Variants in AP4S1 observed in about 807,000 individuals in gnomAD.
AP4S1 encodes the protein AP-4 complex subunit sigma-1.
In AP4S1, 23 loss-of-function variants were observed where a neutral mutation model predicts 19.8. The observed-to-expected ratio is 1.16, with a 90% CI of 0.84 to 1.65. The LOEUF is 1.65. Ranked by LOEUF, AP4S1 falls within the 40% of genes most tolerant of loss-of-function variation. The pLI is 0.00. For missense variants in AP4S1, 166 were observed against 172.8 expected, an observed-to-expected ratio of 0.96 and a Z score of 0.22; for synonymous variants, 46 against 54.1, an observed-to-expected ratio of 0.85 and a Z score of 0.66.
intron 5 of AP4S1, among the ~76,000 whole-genome samples, chr14:31,082,984 T>C (rs1311694125): frequency 6.6e-6 from 1 of 152,204 alleles, no homozygotes; most frequent in African/African-American, 2.4e-5. Context: ...TGAGCTGAGT[T>C]ACCTTACATC....
intron 5 of AP4S1, 139 bp downstream of exon 5, chr14:31,080,723 G>GGT: frequency 1.6e-6 from 2 of 1,238,078 alleles, no homozygotes; most frequent in Non-Finnish European, 2.4e-6. Flanking sequence ...GACAGCCAGA[G>GGT]GTGTGTGTGT....
upstream of AP4S1, chr14:31,025,212 A>C (rs912444411): frequency 6.6e-6 from 1 of 152,478 alleles, no homozygotes; most frequent in African/African-American, 2.4e-5. Context: ...AGTACTGTAA[A>C]AAGAAAAATT....
At position 31,093,074 on chromosome 14, in the gene AP4S1, T is replaced by TGCGA. The variant is rs1223701032; in HGVS notation, c.*41_*44dup. 1 of 1,539,402 alleles carries TGCGA rather than the reference T, an allele frequency of 6.5e-7. No homozygotes were observed. The highest frequency in any genetic ancestry group is 2.0e-5 in the Admixed American group (1 of 48,800). ...CGAGACAATATGGATTTATCAGAAA[T>TGCGA]GCGAGTACCGTGGAATACATCTCAA... On this transcript the variant is annotated 3_prime_UTR_variant, in exon 6 of 6. Transcript: ENST00000542754.
intron 3 of AP4S1, among the ~76,000 whole-genome samples, 173 bp downstream of exon 3, chr14:31,070,102 C>G (rs560677470): frequency 1.3e-5 from 2 of 152,248 alleles, no homozygotes; most frequent in Admixed American, 6.5e-5. Flanking sequence ...TGAAGCGATT[C>G]CCCTGCCTCA....
At chr14:31,084,620 T>C (rs1887829290) in intron 5 of AP4S1, 1 of 1,320,478 alleles carries the variant, frequency 7.6e-7, no homozygotes, top group African/African-American at 1.5e-5. Flanking sequence ...TACACTCCTG[T>C]GCACTCTTCA....
chr14:31,071,948 G>C (rs1291561585), intron 3 of AP4S1, among the ~76,000 whole-genome samples: 1 of 150,154 alleles, frequency 6.7e-6, no homozygotes, highest in Non-Finnish European at 1.5e-5. Flanking sequence ...TGGGGATGGA[G>C]TCTCGCTATG....
chr14:31,030,676 G>A (rs1417088534), intron 1 of AP4S1, among the ~76,000 whole-genome samples: 1 of 152,016 alleles, frequency 6.6e-6, no homozygotes, highest in Non-Finnish European at 1.5e-5. Flanking sequence ...AAGAAGTACT[G>A]ATTGGCTACG....
At chr14:31,080,505 G>A in intron 4 of AP4S1, 68 bp from the exon 5 acceptor site, 2 of 1,354,114 alleles carry the variant, frequency 1.5e-6, no homozygotes, top group Non-Finnish European at 2.1e-6. Flanking sequence ...TCTTCAGTCT[G>A]ACTCTGCTAA....
intron 1 of AP4S1, among the ~76,000 whole-genome samples, chr14:31,059,009 C>T (rs907477716): frequency 4.6e-5 from 7 of 152,162 alleles, no homozygotes; most frequent in African/African-American, 1.7e-4. Context: ...CATCTCCCTC[C>T]TCCTTGATGA....
At chr14:31,061,647 A>ATTT (rs576411455) in intron 1 of AP4S1, among the ~76,000 whole-genome samples, 1 of 146,168 alleles carries the variant, frequency 6.8e-6, no homozygotes. Context: ...ATTAAAATCA[A>ATTT]TTTTTTTTTT....
chr14:31,080,979 A>G (rs1040684222), intron 5 of AP4S1, among the ~76,000 whole-genome samples: 3 of 152,096 alleles, frequency 2.0e-5, no homozygotes, highest in Non-Finnish European at 4.4e-5. Context: ...TTTAGTAGAC[A>G]CGGGGTTTCA....
At chr14:31,078,171 T>C (rs1176709043) in intron 4 of AP4S1, among the ~76,000 whole-genome samples, 2 of 152,210 alleles carry the variant, frequency 1.3e-5, no homozygotes, top group Non-Finnish European at 2.9e-5. Flanking sequence ...TTCCAGAGAC[T>C]GGCCTTGGGG....
At chr14:31,051,569 A>G (rs1369264933) in intron 1 of AP4S1, among the ~76,000 whole-genome samples, 1 of 152,232 alleles carries the variant, frequency 6.6e-6, no homozygotes, top group African/African-American at 2.4e-5. Context: ...CATAGTTGTA[A>G]TCCATGTGAA....
intron 1 of AP4S1, among the ~76,000 whole-genome samples, chr14:31,056,783 T>C (rs1328410381): frequency 6.6e-6 from 1 of 152,188 alleles, no homozygotes; most frequent in Non-Finnish European, 1.5e-5. Flanking sequence ...CTCATTAAGC[T>C]CAAGTGAACA....
intron 1 of AP4S1, among the ~76,000 whole-genome samples, chr14:31,054,738 C>T (rs7156330): frequency 0.78 from 118,417 of 151,362 alleles, 46,527 homozygotes; most frequent in Admixed American, 0.82. Context: ...CATGGAGGTA[C>T]GTGCCTCTAG....
chr14:31,032,299 C>T (rs7150642), intron 1 of AP4S1, among the ~76,000 whole-genome samples: 93,507 of 151,868 alleles, frequency 0.62, 29,646 homozygotes, highest in African/African-American at 0.78. Context: ...TCTTGGACAC[C>T]GTATGCTTAT....
rs76102969 is a variant in AP4S1, at chr14:31,044,219, C to T, written c.-72+18432C>T. ...CTACTATCCGGAGTTAAGCAAAATGCACTTTACTATAACCCTTCCTTTTCT... is the reference window on the plus strand; with the variant it reads ...CTACTATCCGGAGTTAAGCAAAATGTACTTTACTATAACCCTTCCTTTTCT... On this transcript the variant is annotated intron_variant, in intron 1 of 5. Coordinates refer to ENST00000542754, the MANE Select transcript of AP4S1 (RefSeq NM_001128126.3). Among the ~76,000 whole-genome samples the T allele has an allele frequency of 7.2e-3, 1,101 of 152,302 alleles. 11 individuals carry two copies. Among genetic ancestry groups the T allele is most frequent in the East Asian group, 0.05 (257 of 5,184 alleles).
intron 1 of AP4S1, among the ~76,000 whole-genome samples, chr14:31,050,152 C>T (rs78532456): frequency 0.1 from 15,204 of 152,234 alleles, 993 homozygotes; most frequent in South Asian, 0.25. Context: ...GAACTCCTGA[C>T]CTCAGGTGAT....
In AP4S1 at chr14:31,035,193, C is replaced by CTTTT. The variant is rs11393950; in HGVS notation, c.-72+9423_-72+9426dup. Among the ~76,000 whole-genome samples, 76 of 103,650 alleles carry CTTTT rather than the reference C, an allele frequency of 7.3e-4. 2 individuals are homozygous for CTTTT. Among genetic ancestry groups the CTTTT allele is most frequent in the Admixed American group, 2.2e-3 (18 of 8,048 alleles). The allele number at this position is 103,650 out of a possible 152,430, so 68.0% of individuals were successfully genotyped here. On this transcript the variant is annotated intron_variant, in intron 1 of 5. Coordinates refer to ENST00000542754, the MANE Select transcript of AP4S1 (RefSeq NM_001128126.3). The stretch of plus-strand genomic sequence containing the variant: ...ACACCTACAAAATTAATGGTAATTC[C>CTTTT]TTTTTTTTTTTTTTTTTTTTGAGAT...
Sources: allele counts gnomAD v4.1 joint callset (sites outside exome capture counted in the v4.1 genomes callset), GRCh38; gene constraint gnomAD v4.1.1; transcripts MANE v1.5; gene names NCBI Gene and HGNC (gene_info 2026-07-23, HGNC 2026-07-21).